SDHAF3: variants seen among roughly 807,000 people sequenced by gnomAD.
SDHAF3 encodes the protein succinate dehydrogenase complex assembly factor 3.
In SDHAF3, 18 loss-of-function variants were observed where a neutral mutation model predicts 11.5. The ratio of observed to expected loss-of-function variants is 1.56; its 90% CI spans 1.08 to 2.32. The LOEUF (loss-of-function observed/expected upper bound fraction) is 2.32, where lower values mean the gene tolerates loss of function less well. Among genes scored for constraint, SDHAF3 ranks in the 30% most tolerant of loss-of-function variants. SDHAF3 has a pLI of 0.00. For synonymous variants in SDHAF3, 72 were observed against 59.3 expected (o/e 1.21, Z -0.99); for missense variants, 200 against 154.4 (o/e 1.30, Z -1.57).
intron 1 of SDHAF3, among the ~76,000 whole-genome samples, chr7:97,180,248 A>T (rs1789748979): frequency 6.6e-6 from 1 of 152,196 alleles, no homozygotes; most frequent in Admixed American, 6.5e-5. Flanking sequence ...ATAGGAATGA[A>T]TTTAGACTCA....
intron 1 of SDHAF3, among the ~76,000 whole-genome samples, chr7:97,176,139 A>C (rs2115750214): frequency 6.6e-6 from 1 of 152,292 alleles, no homozygotes; most frequent in Admixed American, 6.5e-5. Context: ...TGCAAAACCT[A>C]TAATATACAT....
chr7:97,144,538 C>T (rs1015769986), intron 1 of SDHAF3, among the ~76,000 whole-genome samples: 3 of 152,264 alleles, frequency 2.0e-5, no homozygotes, highest in Admixed American at 6.5e-5. Context: ...ATGTGGCTAG[C>T]CAATTATTCT....
At chr7:97,155,049 A>G (rs1286387758) in intron 1 of SDHAF3, among the ~76,000 whole-genome samples, 1 of 152,070 alleles carries the variant, frequency 6.6e-6, no homozygotes, top group Non-Finnish European at 1.5e-5. Context: ...AGAAAGAGTT[A>G]CTCCTTTCAC....
chr7:97,150,486 A>G (rs1789201970), intron 1 of SDHAF3, among the ~76,000 whole-genome samples: 1 of 151,914 alleles, frequency 6.6e-6, no homozygotes, highest in Non-Finnish European at 1.5e-5. Flanking sequence ...ATCTCCTTGT[A>G]TAGCTCCATC....
intron 1 of SDHAF3, among the ~76,000 whole-genome samples, chr7:97,126,888 C>T (rs932552083): frequency 4.0e-5 from 6 of 151,868 alleles, no homozygotes; most frequent in East Asian, 1.9e-4. Context: ...GGTGTCTGCC[C>T]GAATAGCTGC....
At chr7:97,175,807 G>A (rs1448834817) in intron 1 of SDHAF3, among the ~76,000 whole-genome samples, 1 of 152,130 alleles carries the variant, frequency 6.6e-6, no homozygotes, top group African/African-American at 2.4e-5. Context: ...GAGACTTTAA[G>A]ACTGTGTTTC....
intron 1 of SDHAF3, among the ~76,000 whole-genome samples, chr7:97,129,369 G>A (rs1038753458): frequency 6.6e-6 from 1 of 152,162 alleles, no homozygotes; most frequent in Non-Finnish European, 1.5e-5. Context: ...GTGGCCTCCT[G>A]TGTCTGCTTT....
At chr7:97,140,996 A>C (rs1475610421) in intron 1 of SDHAF3, among the ~76,000 whole-genome samples, 1 of 152,244 alleles carries the variant, frequency 6.6e-6, no homozygotes, top group East Asian at 1.9e-4. Flanking sequence ...AGCAAGGAAC[A>C]TCCCTGAGAA....
intron 1 of SDHAF3, among the ~76,000 whole-genome samples, chr7:97,153,421 G>C (rs1005256186): frequency 2.0e-5 from 3 of 152,114 alleles, no homozygotes; most frequent in Non-Finnish European, 2.9e-5. Flanking sequence ...TTCATTGTCT[G>C]GGTGTACTGC....
At chr7:97,144,687 C>T (rs754329230) in intron 1 of SDHAF3, among the ~76,000 whole-genome samples, 10 of 152,130 alleles carry the variant, frequency 6.6e-5, no homozygotes, top group Non-Finnish European at 1.2e-4. Flanking sequence ...TGTTTTTATA[C>T]CAGTATCATG....
rs898473869 is a variant in SDHAF3, at chr7:97,155,389, C to T, written c.175-25623C>T. 4.6e-5 allele frequency among the ~76,000 whole-genome samples: 7 copies of T among 152,020 alleles called. No individual in the cohort carries two copies. The South Asian group carries it at 1.5e-3, about 32-fold the overall frequency. On this transcript the variant is annotated intron_variant, in intron 1 of 1. Coordinates refer to ENST00000432641, the MANE Select transcript of SDHAF3 (RefSeq NM_020186.3). Reference sequence around the variant, plus strand: ...CTCTGGACTCCTGTGCATACTGGTCCTTGTTTCTTGAACACCTTCCTTTGA... The same window carrying T: ...CTCTGGACTCCTGTGCATACTGGTCTTTGTTTCTTGAACACCTTCCTTTGA...
At chr7:97,178,571 G>C (rs1216782722) in intron 1 of SDHAF3, among the ~76,000 whole-genome samples, 1 of 152,060 alleles carries the variant, frequency 6.6e-6, no homozygotes, top group Admixed American at 6.5e-5. Context: ...TTAGGGTGAA[G>C]TGGCATCTCA....
rs895390683 is a variant in SDHAF3 at position 97,130,053 on chromosome 7, C to T, written c.174+12156C>T. On this transcript the variant is annotated intron_variant, in intron 1 of 1. Coordinates refer to ENST00000432641, the MANE Select transcript of SDHAF3 (RefSeq NM_020186.3). ...AGTGGAGCCCGAAAACTTGGAGATG[C>T]GAGGAACTGTGGAGCCCCAAAGGGG... Among the ~76,000 whole-genome samples the T allele has an allele frequency of 2.0e-5, 3 of 152,136 alleles. No individual in the cohort carries two copies. The South Asian group carries it at 6.2e-4, about 32-fold the overall frequency.
chr7:97,159,199 G>C (rs1414607187), intron 1 of SDHAF3, among the ~76,000 whole-genome samples: 1 of 152,156 alleles, frequency 6.6e-6, no homozygotes, highest in Non-Finnish European at 1.5e-5. Context: ...TGTATGTCTT[G>C]TTCTTAAAAC....
chr7:97,178,663 A>C (rs1476649194), intron 1 of SDHAF3, among the ~76,000 whole-genome samples: 2 of 152,088 alleles, frequency 1.3e-5, no homozygotes, highest in Non-Finnish European at 2.9e-5. Context: ...ATATCTTTGG[A>C]GAAATGTCTA....
At chr7:97,142,076 C>CA (rs1449465978) in intron 1 of SDHAF3, among the ~76,000 whole-genome samples, 34 of 87,028 alleles carry the variant, frequency 3.9e-4, no homozygotes, top group African/African-American at 1.6e-3. Flanking sequence ...TTTTTTGAGA[C>CA]AGTGTCTCGC....
At chr7:97,135,863 A>G (rs1341088052) in intron 1 of SDHAF3, among the ~76,000 whole-genome samples, 1 of 150,380 alleles carries the variant, frequency 6.6e-6, no homozygotes, top group Non-Finnish European at 1.5e-5. Context: ...AATTTTTTGT[A>G]TTTTTAGTAG....
intron 1 of SDHAF3, chr7:97,135,023 CCT>C (rs1305649414): frequency 2.0e-5 from 3 of 151,868 alleles, no homozygotes; most frequent in Non-Finnish European, 4.4e-5. Flanking sequence ...TTCCTTTAAC[CCT>C]CTCTTTCTCC....
intron 1 of SDHAF3, among the ~76,000 whole-genome samples, chr7:97,173,874 A>G (rs772390981): frequency 4.6e-5 from 7 of 150,554 alleles, no homozygotes; most frequent in Non-Finnish European, 7.4e-5. Flanking sequence ...AATACCAAAC[A>G]TCCAGTCAGT....
Sources: allele counts gnomAD v4.1 joint callset (sites outside exome capture counted in the v4.1 genomes callset), GRCh38; gene constraint gnomAD v4.1.1; transcripts MANE v1.5; gene names NCBI Gene and HGNC (gene_info 2026-07-23, HGNC 2026-07-21).